The following KAZN variants were observed in gnomAD, a reference collection of about 807,000 sequenced individuals.
KAZN encodes kazrin, periplakin interacting protein, also known as kazrin.
A neutral mutation model predicts 87.4 loss-of-function variants in KAZN; 40 were observed. The ratio of observed to expected loss-of-function variants is 0.46; its 90% CI spans 0.36 to 0.60. KAZN has a LOEUF of 0.60. Ranked by LOEUF, KAZN falls within the 20% of genes least tolerant of loss-of-function variation. The pLI is 0.00. For missense variants in KAZN, 898 were observed against 1,073.9 expected (o/e 0.84, Z 2.29); for synonymous variants, 466 against 458.3 (o/e 1.02, Z -0.22).
chr1:15,095,308 G>A (rs1187748675), intron 10 of KAZN, among the ~76,000 whole-genome samples: 1 of 152,256 alleles, frequency 6.6e-6, no homozygotes, highest in East Asian at 1.9e-4. Context: ...TACATAACAG[G>A]GTGAGGAAAA....
intron 1 of KAZN, among the ~76,000 whole-genome samples, chr1:13,958,015 A>T (rs1270125809): frequency 1.3e-5 from 2 of 152,200 alleles, no homozygotes; most frequent in African/African-American, 2.4e-5. Context: ...ATGTGATAGT[A>T]ATTCAGGTTA....
chr1:14,273,456 T>C (rs1345631559), intron 2 of KAZN, among the ~76,000 whole-genome samples: 1 of 152,202 alleles, frequency 6.6e-6, no homozygotes, highest in African/African-American at 2.4e-5. Context: ...TTATTTGTGT[T>C]TCTCTATTAT....
At chr1:14,304,656 T>A (rs1046518730) in intron 2 of KAZN, 3 of 398,368 alleles carry the variant, frequency 7.5e-6, no homozygotes, top group Non-Finnish European at 1.3e-5. Context: ...AGCAGGCTTC[T>A]GAAACCGGTG....
At chr1:14,072,552 A>G (rs551779918) in intron 1 of KAZN, among the ~76,000 whole-genome samples, 1 of 152,300 alleles carries the variant, frequency 6.6e-6, no homozygotes, top group Admixed American at 6.5e-5. Flanking sequence ...TGTAATGCAT[A>G]TCAAATGTGG....
chr1:14,659,339 A>C (rs1639007519), intron 1 of KAZN, among the ~76,000 whole-genome samples: 1 of 152,252 alleles, frequency 6.6e-6, no homozygotes, highest in African/African-American at 2.4e-5. Flanking sequence ...AGATAGTTCT[A>C]TAGGTCACTC....
At chr1:15,022,031 C>G (rs897797368) in intron 2 of KAZN, among the ~76,000 whole-genome samples, 1 of 152,140 alleles carries the variant, frequency 6.6e-6, no homozygotes, top group East Asian at 1.9e-4. Context: ...GGGAAAACTG[C>G]CCCCAGGATT....
At chr1:14,119,432 G>A (rs1644703823) in intron 1 of KAZN, among the ~76,000 whole-genome samples, 1 of 152,306 alleles carries the variant, frequency 6.6e-6, no homozygotes, top group Admixed American at 6.5e-5. Context: ...AGCTGCTCAG[G>A]TGTGCCTGTG....
At chr1:14,912,697 G>A (rs115072539) in intron 1 of KAZN, among the ~76,000 whole-genome samples, 1 of 152,094 alleles carries the variant, frequency 6.6e-6, no homozygotes, top group Non-Finnish European at 1.5e-5. Flanking sequence ...TTTCAAAAAG[G>A]CCAGGTGGAA....
chr1:14,406,725 T>C (rs907647428), intron 2 of KAZN, among the ~76,000 whole-genome samples: 8 of 152,172 alleles, frequency 5.3e-5, no homozygotes, highest in Admixed American at 6.6e-5. Context: ...TAAACAAGTA[T>C]TAATCTCATC....
At chr1:15,012,053 A>T (rs1290948523) in intron 2 of KAZN, among the ~76,000 whole-genome samples, 1 of 152,170 alleles carries the variant, frequency 6.6e-6, no homozygotes, top group African/African-American at 2.4e-5. Context: ...AGCTAACACC[A>T]TGGGCACTCT....
intron 2 of KAZN, among the ~76,000 whole-genome samples, chr1:14,438,355 G>A (rs1666517194): frequency 1.3e-5 from 2 of 152,336 alleles, no homozygotes; most frequent in South Asian, 4.1e-4. Flanking sequence ...GTCGGGAGAA[G>A]GGGAATCAGC....
chr1:15,061,254 G>A (rs879792394), intron 6 of KAZN: 1 of 152,234 alleles, frequency 6.6e-6, no homozygotes, highest in Non-Finnish European at 1.5e-5. Context: ...ACATAACAGT[G>A]TTGCTTGGAA....
At chr1:14,041,864 C>T (rs1641853822) in intron 1 of KAZN, among the ~76,000 whole-genome samples, 1 of 152,194 alleles carries the variant, frequency 6.6e-6, no homozygotes, top group Non-Finnish European at 1.5e-5. Flanking sequence ...GGTATAGAAT[C>T]TTTCTCTTAC....
At chr1:14,557,632 GTGTGT>G (rs1557799064) in intron 2 of KAZN, among the ~76,000 whole-genome samples, 40 of 22,720 alleles carry the variant, frequency 1.8e-3, no homozygotes, top group African/African-American at 3.1e-3. Flanking sequence ...GTGTGTGGGT[GTGTGT>G]GTGTGTGTGT....
chr1:14,961,615 A>C lies in KAZN; in HGVS notation c.418+740A>C, dbSNP rs555584494. The stretch of plus-strand genomic sequence containing the variant: ...CAGTGGACTCCACAGTGCTTGGAGA[A>C]CTCAGGCATGAAACATCTGGGGAAA... On this transcript the variant is annotated intron_variant, in intron 2 of 14. Coordinates refer to ENST00000376030, the MANE Select transcript of KAZN (RefSeq NM_201628.3). 1.1e-4 allele frequency among the ~76,000 whole-genome samples: 17 copies of C among 152,178 alleles called. 1 individual carries two copies. The highest frequency in any genetic ancestry group is 4.1e-4 in the African/African-American group (17 of 41,534).
intron 1 of KAZN, among the ~76,000 whole-genome samples, chr1:13,935,013 G>A (rs1453034192): frequency 1.3e-5 from 2 of 151,978 alleles, no homozygotes; most frequent in African/African-American, 4.8e-5. Flanking sequence ...GAGGCAGGTG[G>A]ATCACCTGAG....
chr1:15,087,535 G>A lies in KAZN; in HGVS notation c.1223-6645G>A, dbSNP rs145155200. Among the ~76,000 whole-genome samples the A allele has an allele frequency of 3.8e-3, 583 of 152,128 alleles. 2 individuals carry two copies. Among genetic ancestry groups the A allele is most frequent in the African/African-American group, 0.013 (519 of 41,476 alleles). On this transcript the variant is annotated intron_variant, in intron 8 of 14. Transcript: ENST00000376030. ...GGCCTCCCGAGTATCTGGGACTACAGGCATGCACCACCATGCCCAGCTAAT... is the reference window on the plus strand; with the variant it reads ...GGCCTCCCGAGTATCTGGGACTACAAGCATGCACCACCATGCCCAGCTAAT...
intron 1 of KAZN, among the ~76,000 whole-genome samples, chr1:14,850,066 G>T (rs959025766): frequency 6.6e-6 from 1 of 151,738 alleles, no homozygotes; most frequent in Non-Finnish European, 1.5e-5. Context: ...CTCCTGAGTA[G>T]CTGGGACTAC....
chr1:14,015,820 A>G (rs536386173), intron 1 of KAZN, among the ~76,000 whole-genome samples: 1 of 151,710 alleles, frequency 6.6e-6, no homozygotes, highest in Non-Finnish European at 1.5e-5. Context: ...ACTGGAGGGA[A>G]ATTGGGTTCA....
Sources: allele counts gnomAD v4.1 joint callset (sites outside exome capture counted in the v4.1 genomes callset), GRCh38; gene constraint gnomAD v4.1.1; transcripts MANE v1.5; gene names NCBI Gene and HGNC (gene_info 2026-07-23, HGNC 2026-07-21).